CLSTN2: variants seen among roughly 807,000 people sequenced by gnomAD.
The protein encoded by CLSTN2 is calsyntenin-2.
A neutral mutation model predicts 101.2 loss-of-function variants in CLSTN2; 48 were observed. That is an observed-to-expected ratio of 0.47 (90% CI 0.38 to 0.60). The LOEUF is 0.60. Ranked by LOEUF, CLSTN2 falls within the 20% of genes least tolerant of loss-of-function variation. The pLI is 0.00. For synonymous variants in CLSTN2, 481 were observed against 463.6 expected, an observed-to-expected ratio of 1.04 and a Z score of -0.48; for missense variants, 1,160 against 1,238.2, an observed-to-expected ratio of 0.94 and a Z score of 0.95.
At chr3:140,516,093 CTT>C (rs1299708317) in intron 8 of CLSTN2, among the ~76,000 whole-genome samples, 2 of 152,044 alleles carry the variant, frequency 1.3e-5, no homozygotes, top group African/African-American at 4.8e-5. Flanking sequence ...TAATGTTCCT[CTT>C]TGTCTTTTTT....
chr3:139,969,091 C>T (rs941943228), intron 1 of CLSTN2, among the ~76,000 whole-genome samples: 3 of 152,070 alleles, frequency 2.0e-5, no homozygotes, highest in African/African-American at 7.3e-5. Flanking sequence ...TGCATTATCT[C>T]ATTTGAGACT....
chr3:140,345,916 C>G lies in CLSTN2; in HGVS notation c.233-57713C>G, dbSNP rs533802028. On this transcript the variant is annotated intron_variant, in intron 2 of 16. Coordinates refer to ENST00000458420, the MANE Select transcript of CLSTN2 (RefSeq NM_022131.3). ...GTGAATGATCATTCTGAAGGTAACTCAATTATCTGTATTTGCTGGTTCAAT... is the reference window on the plus strand; with the variant it reads ...GTGAATGATCATTCTGAAGGTAACTGAATTATCTGTATTTGCTGGTTCAAT... Among the ~76,000 whole-genome samples, 14 of 152,282 alleles carry G rather than the reference C, an allele frequency of 9.2e-5. No individual in the cohort carries two copies. The South Asian group carries it at 2.7e-3, about 29-fold the overall frequency.
intron 8 of CLSTN2, among the ~76,000 whole-genome samples, chr3:140,527,834 G>T (rs180970): frequency 6.6e-6 from 1 of 151,868 alleles, no homozygotes; most frequent in African/African-American, 2.4e-5. Context: ...ACCAAATACC[G>T]TATTTTTTCA....
intron 2 of CLSTN2, among the ~76,000 whole-genome samples, chr3:140,368,016 T>C (rs2087811896): frequency 6.6e-6 from 1 of 152,154 alleles, no homozygotes; most frequent in Admixed American, 6.5e-5. Flanking sequence ...GACCCTAAAA[T>C]CTAAATCAGG....
chr3:140,034,439 G>A (rs1176147038), intron 1 of CLSTN2, among the ~76,000 whole-genome samples: 1 of 152,108 alleles, frequency 6.6e-6, no homozygotes, highest in African/African-American at 2.4e-5. Context: ...TGCCAAATTG[G>A]AATCAAAGTT....
Position 140,077,851 on chromosome 3 carries a change from C to G in CLSTN2, c.110-98100C>G, listed in dbSNP as rs1297519746. ...GTTTGGAATGGCCGGTTTGCTCCCT[C>G]TCTAGCATTTAACTGTTTGATAATT... On this transcript the variant is annotated intron_variant, in intron 1 of 16. Coordinates refer to ENST00000458420, the MANE Select transcript of CLSTN2 (RefSeq NM_022131.3). Among the ~76,000 whole-genome samples, 4 of 147,416 alleles carry G rather than the reference C, an allele frequency of 2.7e-5. No homozygotes were observed. In the East Asian group the frequency reaches 8.0e-4, roughly 29 times the overall value.
intron 1 of CLSTN2, among the ~76,000 whole-genome samples, chr3:140,082,873 T>C (rs2008621759): frequency 1.3e-5 from 2 of 152,180 alleles, no homozygotes; most frequent in South Asian, 4.1e-4. Flanking sequence ...ATTCTCCATC[T>C]TTGCCTTAGT....
At chr3:140,383,895 T>C (rs527621752) in intron 2 of CLSTN2, among the ~76,000 whole-genome samples, 19 of 152,248 alleles carry the variant, frequency 1.2e-4, no homozygotes, top group African/African-American at 3.9e-4. Context: ...AATAGGCAAA[T>C]TAGGGATAGA....
At chr3:140,437,520 T>A (rs983686009) in intron 5 of CLSTN2, among the ~76,000 whole-genome samples, 1 of 152,218 alleles carries the variant, frequency 6.6e-6, no homozygotes, top group African/African-American at 2.4e-5. Flanking sequence ...CTCAGCCTCC[T>A]TGGGTTTCTA....
chr3:140,526,595 CAAA>C (rs56965995), intron 8 of CLSTN2, among the ~76,000 whole-genome samples: 2,403 of 98,948 alleles, frequency 0.024, 61 homozygotes, highest in African/African-American at 0.067. Context: ...AACAAACAAA[CAAA>C]AAAAAAAAAC....
chr3:139,954,775 C>CA (rs1177779928), intron 1 of CLSTN2, among the ~76,000 whole-genome samples: 2 of 152,064 alleles, frequency 1.3e-5, no homozygotes, highest in Non-Finnish European at 2.9e-5. Flanking sequence ...CCCCTGTATC[C>CA]ACCATAGCTT....
chr3:140,045,611 G>A (rs1027848261), intron 1 of CLSTN2, among the ~76,000 whole-genome samples: 2 of 152,084 alleles, frequency 1.3e-5, no homozygotes, highest in African/African-American at 2.4e-5. Flanking sequence ...TGCGATGTTA[G>A]GGTGTCAATT....
At chr3:140,490,625 A>C (rs976912316) in intron 8 of CLSTN2, among the ~76,000 whole-genome samples, 1 of 150,154 alleles carries the variant, frequency 6.7e-6, no homozygotes, top group Non-Finnish European at 1.5e-5. Flanking sequence ...AACATGGCAC[A>C]TCCACTGGGA....
chr3:140,491,879 G>A (rs1281475336), intron 8 of CLSTN2, among the ~76,000 whole-genome samples: 5 of 152,122 alleles, frequency 3.3e-5, no homozygotes, highest in Admixed American at 3.3e-4. Flanking sequence ...AGTGACAGAA[G>A]AGGTATGTGA....
chr3:140,186,394 A>G (rs1285441623), intron 2 of CLSTN2, among the ~76,000 whole-genome samples: 1 of 152,218 alleles, frequency 6.6e-6, no homozygotes, highest in East Asian at 1.9e-4. Flanking sequence ...TTTTACTTTA[A>G]TGGGAATTTG....
At position 140,566,037 on chromosome 3, in the gene CLSTN2, T is replaced by A; in HGVS notation, c.2668-16T>A. 1 of 1,613,988 alleles carries A rather than the reference T, an allele frequency of 6.2e-7. No homozygotes were observed. The highest frequency in any genetic ancestry group is 8.5e-7 in the Non-Finnish European group (1 of 1,179,954). On this transcript the variant is annotated splice_polypyrimidine_tract_variant and intron_variant, in intron 16 of 16. Transcript: ENST00000458420. ...CAGCCCCTGATGAGCATTTGCTTTT[T>A]CTCCTTGATATCCAGAAACATGAAG...
intron 2 of CLSTN2, among the ~76,000 whole-genome samples, chr3:140,198,884 G>C (rs1193357175): frequency 6.6e-6 from 1 of 152,194 alleles, no homozygotes; most frequent in Admixed American, 6.5e-5. Flanking sequence ...CGTAGGTATG[G>C]ATGAAATTAT....
chr3:140,091,343 A>G (rs1374677109), intron 1 of CLSTN2, among the ~76,000 whole-genome samples: 1 of 152,154 alleles, frequency 6.6e-6, no homozygotes, highest in Non-Finnish European at 1.5e-5. Flanking sequence ...TGCAAAATCC[A>G]GACACACAGG....
chr3:140,226,140 C>A (rs2086318089), intron 2 of CLSTN2, among the ~76,000 whole-genome samples: 2 of 151,920 alleles, frequency 1.3e-5, no homozygotes, highest in South Asian at 4.2e-4. Flanking sequence ...ATACATGCTG[C>A]ATGATTCCAT....
Sources: allele counts gnomAD v4.1 joint callset (sites outside exome capture counted in the v4.1 genomes callset), GRCh38; gene constraint gnomAD v4.1.1; transcripts MANE v1.5; gene names NCBI Gene and HGNC (gene_info 2026-07-23, HGNC 2026-07-21).